The following RTN1 variants were observed in gnomAD, a reference collection of about 807,000 sequenced individuals.
The protein encoded by RTN1 is reticulon 1.
Under a neutral mutation model 65.5 loss-of-function variants are expected in RTN1, and 25 were observed. The observed-to-expected ratio is 0.38, with a 90% CI of 0.28 to 0.53. The LOEUF (loss-of-function observed/expected upper bound fraction) is 0.53, where lower values mean the gene tolerates loss of function less well. RTN1 is among the 20% of genes least tolerant of loss of function. The pLI is 0.79. For synonymous variants in RTN1, 471 were observed against 447.6 expected (o/e 1.05, Z -0.66); for missense variants, 983 against 1,025.4 (o/e 0.96, Z 0.57).
intron 3 of RTN1, among the ~76,000 whole-genome samples, chr14:59,608,207 C>G (rs1434023880): frequency 6.6e-6 from 1 of 152,182 alleles, no homozygotes; most frequent in African/African-American, 2.4e-5. Flanking sequence ...AATTTACCCT[C>G]CAACTGGGTA....
At chr14:59,866,607 A>G (rs987194806) in intron 1 of RTN1, among the ~76,000 whole-genome samples, 1 of 152,180 alleles carries the variant, frequency 6.6e-6, no homozygotes, top group Non-Finnish European at 1.5e-5. Flanking sequence ...TACTTCCAGA[A>G]ATGGTATTGA....
chr14:59,846,879 C>A lies in RTN1; in HGVS notation c.241+23511G>T, dbSNP rs1390526470. Among the ~76,000 whole-genome samples, 1 of 152,098 alleles carries A rather than the reference C, an allele frequency of 6.6e-6. No homozygotes were observed. The highest frequency in any genetic ancestry group is 1.5e-5 in the Non-Finnish European group (1 of 68,008). Reference sequence around the variant, plus strand: ...GATGAGACTGATTTTGCTTGAGAACCAGGAATAATCTGGAGGCTTAAAGAT... The same window carrying A: ...GATGAGACTGATTTTGCTTGAGAACAAGGAATAATCTGGAGGCTTAAAGAT... On this transcript the variant is annotated intron_variant, in intron 1 of 8. Coordinates refer to ENST00000267484, the MANE Select transcript of RTN1 (RefSeq NM_021136.3). This position sits in a 1 kb window ranked among gnomAD's most constrained non-coding sequence, Gnocchi z 4.8.
chr14:59,859,270 G>A (rs1255252147), intron 1 of RTN1, among the ~76,000 whole-genome samples: 3 of 152,182 alleles, frequency 2.0e-5, no homozygotes, highest in Non-Finnish European at 4.4e-5. Context: ...CATGGGGCAG[G>A]TCTTTCCCAT....
At chr14:59,776,669 C>T (rs540588659) in intron 1 of RTN1, among the ~76,000 whole-genome samples, 139 of 152,256 alleles carry the variant, frequency 9.1e-4, no homozygotes, top group Middle Eastern at 3.4e-3. Context: ...CCTTCCTCCG[C>T]TGTGTGGGGC....
intron 3 of RTN1, among the ~76,000 whole-genome samples, chr14:59,626,742 G>A (rs935945623): frequency 6.6e-6 from 1 of 152,102 alleles, no homozygotes; most frequent in Non-Finnish European, 1.5e-5. Flanking sequence ...TAACATGAGA[G>A]TAATAAAAAA....
At chr14:59,851,303 G>T (rs968100747) in intron 1 of RTN1, among the ~76,000 whole-genome samples, 1 of 152,058 alleles carries the variant, frequency 6.6e-6, no homozygotes, top group African/African-American at 2.4e-5. Flanking sequence ...CTTCTGTCTG[G>T]CAGAATGGCA....
intron 1 of RTN1, among the ~76,000 whole-genome samples, chr14:59,747,080 T>C (rs1885243888): frequency 6.6e-6 from 1 of 152,208 alleles, no homozygotes; most frequent in Non-Finnish European, 1.5e-5. Context: ...CATATCACCC[T>C]AATGGTGTGC....
At chr14:59,645,373 ATGTT>A (rs1382813217) in intron 3 of RTN1, among the ~76,000 whole-genome samples, 24 of 150,054 alleles carry the variant, frequency 1.6e-4, no homozygotes, top group Admixed American at 1.6e-3. Context: ...ACTTTTATAT[ATGTT>A]TGTTACATGT....
chr14:59,708,288 T>C (rs960754769), intron 3 of RTN1, among the ~76,000 whole-genome samples: 110 of 152,374 alleles, frequency 7.2e-4, no homozygotes, highest in Non-Finnish European at 2.6e-4. Context: ...TCTGCTTCTC[T>C]GATTTCCATA....
intron 3 of RTN1, among the ~76,000 whole-genome samples, chr14:59,711,258 G>T (rs2139457821): frequency 6.6e-6 from 1 of 152,234 alleles, no homozygotes; most frequent in African/African-American, 2.4e-5. Flanking sequence ...CTGAACACAG[G>T]CCCACAGTGA....
At chr14:59,805,040 C>G (rs1030604450) in intron 1 of RTN1, among the ~76,000 whole-genome samples, 3 of 152,180 alleles carry the variant, frequency 2.0e-5, no homozygotes, top group Non-Finnish European at 4.4e-5. Context: ...TTCAAACACA[C>G]CAAACACATT....
intron 3 of RTN1, among the ~76,000 whole-genome samples, chr14:59,706,029 C>T (rs1460797328): frequency 2.6e-5 from 4 of 151,320 alleles, no homozygotes; most frequent in Non-Finnish European, 5.9e-5. Context: ...AGAAGGAATG[C>T]AATTGTTGTG....
At position 59,743,473 on chromosome 14, in the gene RTN1, C is replaced by T. The variant is rs750700896; in HGVS notation, c.1015+2235G>A. ...ATCTTCAGAACACCAAGTATCTTTA[C>T]GGCAGGAAATAATAAAAGAGTTTTA... On this transcript the variant is annotated intron_variant, in intron 2 of 8. Coordinates refer to ENST00000267484, the MANE Select transcript of RTN1 (RefSeq NM_021136.3). 1.5e-4 allele frequency among the ~76,000 whole-genome samples: 23 copies of T among 152,178 alleles called. 1 individual carries two copies. The highest frequency in any genetic ancestry group is 2.6e-4 in the Admixed American group (4 of 15,294).
Position 59,727,127 on chromosome 14 carries a change from C to T in RTN1, c.1557G>A (p.Pro519=), listed in dbSNP as rs763202784. The T allele has an allele frequency of 8.0e-5, 129 of 1,606,370 alleles. No individual in the cohort carries two copies. The highest frequency in any genetic ancestry group is 1.0e-4 in the Non-Finnish European group (122 of 1,176,626). The change falls in exon 3 of 9, where the codon CCG becomes CCA. Residue 519 remains proline, a synonymous_variant. Transcript: ENST00000267484. The surrounding 1 kb of genome is among the most constrained non-coding windows in gnomAD (Gnocchi z 4.2). ...RAPSRRGLAE[P]GSFLDYPSTE... ...TTGAGGGGTAGTCGAGGAAGGAACC[C>T]GGCTCGGCCAGGCCCCGCCGGCTTG...
intron 2 of RTN1, among the ~76,000 whole-genome samples, chr14:59,736,320 C>G (rs1254179839): frequency 6.6e-6 from 1 of 151,942 alleles, no homozygotes; most frequent in Non-Finnish European, 1.5e-5. Flanking sequence ...CAAATAAACA[C>G]AATCAGAAAT....
intron 2 of RTN1, among the ~76,000 whole-genome samples, chr14:59,743,860 G>T (rs891974532): frequency 3.9e-5 from 6 of 152,214 alleles, no homozygotes; most frequent in East Asian, 1.9e-4. Context: ...CTGCTTCCTT[G>T]GTCGTCTGGT....
At chr14:59,847,280 G>T (rs777371423) in intron 1 of RTN1, among the ~76,000 whole-genome samples, 8 of 152,084 alleles carry the variant, frequency 5.3e-5, no homozygotes, top group African/African-American at 9.7e-5. Context: ...GTATCTGGCA[G>T]GTAAGTGTAT....
At chr14:59,712,555 T>C (rs1884445600) in intron 3 of RTN1, among the ~76,000 whole-genome samples, 1 of 152,164 alleles carries the variant, frequency 6.6e-6, no homozygotes, top group African/African-American at 2.4e-5. Flanking sequence ...AACTGTGACA[T>C]AAGAAGAAAA....
chr14:59,764,718 T>G (rs556744693), intron 1 of RTN1, among the ~76,000 whole-genome samples: 3 of 152,292 alleles, frequency 2.0e-5, no homozygotes, highest in Admixed American at 2.0e-4. Context: ...ACCCCATTCC[T>G]CAGGAAACAA....
Sources: allele counts gnomAD v4.1 joint callset (sites outside exome capture counted in the v4.1 genomes callset), GRCh38; gene constraint gnomAD v4.1.1; non-coding constraint Gnocchi (gnomAD v3.1); transcripts MANE v1.5; gene names NCBI Gene and HGNC (gene_info 2026-07-23, HGNC 2026-07-21).